Variants in BAZ1B observed in about 807,000 individuals in gnomAD.
BAZ1B encodes the protein bromodomain adjacent to zinc finger domain 1B.
BAZ1B carries 22 observed loss-of-function variants against 153.8 expected under a neutral mutation model. The ratio of observed to expected loss-of-function variants is 0.14; its 90% CI spans 0.10 to 0.20. The LOEUF (loss-of-function observed/expected upper bound fraction) is 0.20, where lower values mean the gene tolerates loss of function less well. Ranked by LOEUF, BAZ1B falls within the 10% of genes least tolerant of loss-of-function variation. The pLI is 1.00. For synonymous variants in BAZ1B, 676 were observed against 633.4 expected (o/e 1.07, Z -1.01); for missense variants, 1,325 against 1,799.3 (o/e 0.74, Z 4.77).
intron 6 of BAZ1B, among the ~76,000 whole-genome samples, chr7:73,481,996 G>A (rs892826761): frequency 3.9e-5 from 6 of 152,148 alleles, no homozygotes; most frequent in Non-Finnish European, 7.4e-5. Flanking sequence ...CCGAGATCCC[G>A]CCACTGCACT....
At chr7:73,446,008 C>T (rs1366535945) in intron 16 of BAZ1B, among the ~76,000 whole-genome samples, 1 of 152,100 alleles carries the variant, frequency 6.6e-6, no homozygotes. Flanking sequence ...GCGTAGTGAA[C>T]AAACAAAAAG....
intron 4 of BAZ1B, among the ~76,000 whole-genome samples, chr7:73,498,192 T>C (rs1789992199): frequency 6.6e-6 from 1 of 152,134 alleles, no homozygotes; most frequent in Admixed American, 6.6e-5. Context: ...ACTCTTGACC[T>C]CAGATGATCC....
chr7:73,486,935 C>G (rs1554574558), intron 6 of BAZ1B, among the ~76,000 whole-genome samples: 3 of 152,164 alleles, frequency 2.0e-5, no homozygotes, highest in Non-Finnish European at 4.4e-5. Flanking sequence ...AAAAACACAG[C>G]TTATATACAG....
At chr7:73,507,740 T>C (rs782147805) in intron 3 of BAZ1B, among the ~76,000 whole-genome samples, 1 of 152,240 alleles carries the variant, frequency 6.6e-6, no homozygotes, top group Non-Finnish European at 1.5e-5. Context: ...GGCACATGCC[T>C]GCAGTCCCAG....
intron 5 of BAZ1B, among the ~76,000 whole-genome samples, chr7:73,490,315 T>A (rs1454032516): frequency 2.0e-4 from 31 of 151,972 alleles, no homozygotes; most frequent in Admixed American, 2.0e-3. Context: ...AATGAAAAAA[T>A]TAAGTTATAA....
chr7:73,483,965 C>T (rs782045192), intron 6 of BAZ1B, among the ~76,000 whole-genome samples: 1 of 152,126 alleles, frequency 6.6e-6, no homozygotes, highest in Non-Finnish European at 1.5e-5. Context: ...ACTTTAAGAG[C>T]GAGACTTTAA....
chr7:73,442,136 T>TTCCC, intron 19 of BAZ1B, 45 bp downstream of exon 19: 2 of 573,492 alleles, frequency 3.5e-6, no homozygotes, highest in Non-Finnish European at 3.2e-6. Context: ...CTCGCTCGCC[T>TTCCC]CCCTCCCACC....
At chr7:73,475,311 G>T (rs1182810219) in intron 7 of BAZ1B, among the ~76,000 whole-genome samples, 1 of 152,128 alleles carries the variant, frequency 6.6e-6, no homozygotes, top group Non-Finnish European at 1.5e-5. Context: ...GGTAAAAGAT[G>T]AAAACAATCT....
At chr7:73,512,962 T>C (rs1274092359) in intron 1 of BAZ1B, among the ~76,000 whole-genome samples, 2 of 152,174 alleles carry the variant, frequency 1.3e-5, no homozygotes, top group East Asian at 3.8e-4. Context: ...TCTATTTATG[T>C]ATTTATTTTT....
intron 3 of BAZ1B, among the ~76,000 whole-genome samples, chr7:73,500,082 G>A (rs1409485050): frequency 2.0e-5 from 3 of 152,082 alleles, no homozygotes; most frequent in Non-Finnish European, 4.4e-5. Context: ...CTAAGTAGCT[G>A]GGACTACAGG....
chr7:73,477,556 C>A lies in BAZ1B; in HGVS notation c.1905G>T (p.Val635=). The part of the protein sequence containing the change: ...LPDAQYPITA[V]SLMEALSADK... Reference sequence around the variant, plus strand: ...CTGCACTCAAGGCTTCCATAAGGGACACAGCAGTAATAGGATACTGAGCAT... The same window carrying A: ...CTGCACTCAAGGCTTCCATAAGGGAAACAGCAGTAATAGGATACTGAGCAT... The change falls in exon 7 of 20, where the codon GTG becomes GTT. Residue 635 remains valine, a synonymous_variant. Transcript: ENST00000339594. The surrounding 1 kb of genome is among the most constrained non-coding windows in gnomAD (Gnocchi z 5.6). The A allele has an allele frequency of 6.2e-7, 1 of 1,614,154 alleles. No individual in the cohort carries two copies.
rs782693940 is a variant in BAZ1B, at chr7:73,478,425, A to G, written c.1036T>C (p.Leu346=). Reference sequence around the variant, plus strand: ...TTCACTTTGAGTGGCGAGCCACTCAATGACTTCTTCAAGTGTACGTGACAC... The same window carrying G: ...TTCACTTTGAGTGGCGAGCCACTCAGTGACTTCTTCAAGTGTACGTGACAC... ...LWCHVHLKKS[L]SGSPLKVKNS... The change falls in exon 7 of 20, where the codon TTG becomes CTG. Residue 346 remains leucine (L), a synonymous_variant. Transcript: ENST00000339594. The G allele has an allele frequency of 2.5e-6, 4 of 1,612,936 alleles. No homozygotes were observed. The South Asian group carries it at 3.3e-5, about 13-fold the overall frequency.
intron 4 of BAZ1B, among the ~76,000 whole-genome samples, chr7:73,496,419 A>T (rs1725766960): frequency 1.3e-5 from 2 of 152,318 alleles, no homozygotes; most frequent in South Asian, 4.1e-4. Flanking sequence ...GATCCAAAAC[A>T]TCTAGACACA....
chr7:73,493,956 A>G (rs1158831092), intron 4 of BAZ1B, among the ~76,000 whole-genome samples: 2 of 152,200 alleles, frequency 1.3e-5, no homozygotes, highest in Non-Finnish European at 2.9e-5. Context: ...AAAAAATTCA[A>G]AAAGGTAAGC....
rs781955329 is a variant in BAZ1B at position 73,521,821 on chromosome 7, G to A, written c.107+6C>T. ...CAGCCCGGCCCGCGCGGCTGGAAAA[G>A]GATACTCCCGGGTGCGGAAGGCCTC... On this transcript the variant is annotated splice_donor_region_variant and intron_variant, in intron 1 of 19. Transcript: ENST00000339594. 2.2e-5 allele frequency: 33 copies of A among 1,493,484 alleles called. No homozygotes were observed. In the African/African-American group the frequency reaches 3.7e-4, roughly 17 times the overall value. 92.5% of individuals were successfully genotyped at this position (1,493,484 alleles called of 1,614,324 possible). A position where few individuals can be genotyped will look rare whatever the true frequency, so the allele number is the denominator to read the frequency against.
intron 9 of BAZ1B, among the ~76,000 whole-genome samples, chr7:73,466,840 C>T (rs1738871477): frequency 6.6e-6 from 1 of 152,198 alleles, no homozygotes; most frequent in Admixed American, 6.5e-5. Context: ...AAATCAGTTC[C>T]TATATACTGA....
intron 16 of BAZ1B, 108 bp from the exon 17 acceptor site, chr7:73,444,237 A>G: frequency 7.7e-7 from 1 of 1,305,600 alleles, no homozygotes; most frequent in Non-Finnish European, 1.0e-6. Context: ...TGGACAAGGA[A>G]AGCAGTGGCC....
chr7:73,465,356 T>C (rs1302582225), intron 11 of BAZ1B, 83 bp downstream of exon 11: 11 of 916,624 alleles, frequency 1.2e-5, no homozygotes, highest in Non-Finnish European at 1.8e-5. Flanking sequence ...GTAACTTAAA[T>C]GGATAAGAAA....
At chr7:73,486,137 C>T (rs1464648822) in intron 6 of BAZ1B, among the ~76,000 whole-genome samples, 1 of 152,126 alleles carries the variant, frequency 6.6e-6, no homozygotes, top group Admixed American at 6.5e-5. Flanking sequence ...CTAAACGTTA[C>T]AAGATATAAA....
Sources: gnomAD v4.1 joint callset for allele counts (sites outside exome capture counted in the v4.1 genomes callset) on GRCh38, gnomAD v4.1.1 for gene constraint, Gnocchi (gnomAD v3.1) non-coding constraint, MANE v1.5 for transcripts, NCBI Gene and HGNC (gene_info 2026-07-23, HGNC 2026-07-21) for gene names.